ABHD2: variants seen among roughly 807,000 people sequenced by gnomAD.
ABHD2 encodes abhydrolase domain containing 2, acylglycerol lipase.
In ABHD2, 20 loss-of-function variants were observed where a neutral mutation model predicts 48.1. That is an observed-to-expected ratio of 0.42 (90% CI 0.29 to 0.60). The LOEUF is 0.60. ABHD2 is among the 20% of genes least tolerant of loss of function. ABHD2 has a pLI of 0.24. For synonymous variants in ABHD2, 209 were observed against 214.2 expected, an observed-to-expected ratio of 0.98 and a Z score of 0.21; for missense variants, 405 against 550.9, an observed-to-expected ratio of 0.74 and a Z score of 2.65.
intron 1 of ABHD2, among the ~76,000 whole-genome samples, chr15:89,090,542 C>A (rs1901555166): frequency 6.7e-6 from 1 of 149,056 alleles, no homozygotes; most frequent in African/African-American, 2.5e-5. Flanking sequence ...CAGACAGCTG[C>A]AAGGGGTTTC....
chr15:89,088,449 G>A (rs1383131603), upstream of ABHD2: 1 of 153,078 alleles, frequency 6.5e-6, no homozygotes, highest in Admixed American at 6.5e-5. This position sits in a 1 kb window ranked among gnomAD's most constrained non-coding sequence, Gnocchi z 6.8. Flanking sequence ...CGGTAGCGGC[G>A]GGAGCTGCAC....
At chr15:89,050,354 G>A in the ABHD2 span, among the ~76,000 whole-genome samples, 1 of 152,210 alleles carries the variant, frequency 6.6e-6, no homozygotes, top group African/African-American at 2.4e-5. Flanking sequence ...ATGTGGACAT[G>A]TGTCCAATGA....
intron 4 of ABHD2, among the ~76,000 whole-genome samples, chr15:89,152,144 C>T (rs1176067399): frequency 6.6e-6 from 1 of 151,390 alleles, no homozygotes; most frequent in Admixed American, 6.6e-5. Flanking sequence ...GGCACGATCT[C>T]GGCTCACTGC....
chr15:89,128,000 C>T (rs1241311602), intron 3 of ABHD2, among the ~76,000 whole-genome samples: 1 of 152,070 alleles, frequency 6.6e-6, no homozygotes, highest in Non-Finnish European at 1.5e-5. Context: ...ATATGTATCT[C>T]TCGTCACACC....
chr15:89,101,837 G>C (rs1021824587), intron 1 of ABHD2, among the ~76,000 whole-genome samples: 1 of 152,168 alleles, frequency 6.6e-6, no homozygotes, highest in Admixed American at 6.5e-5. Context: ...TCAAGGGCTT[G>C]CAGTGGGGCT....
chr15:89,062,341 G>T, the ABHD2 span, among the ~76,000 whole-genome samples: 3 of 151,538 alleles, frequency 2.0e-5, no homozygotes, highest in Non-Finnish European at 4.4e-5. Context: ...TTATGGAATT[G>T]ATTTTCGTTT....
At chr15:89,062,118 G>A in the ABHD2 span, among the ~76,000 whole-genome samples, 1 of 152,076 alleles carries the variant, frequency 6.6e-6, no homozygotes, top group African/African-American at 2.4e-5. Flanking sequence ...AAATAGGAAT[G>A]CTGGAAGATA....
intron 5 of ABHD2, among the ~76,000 whole-genome samples, chr15:89,161,516 T>C (rs1239407987): frequency 1.3e-5 from 2 of 152,184 alleles, no homozygotes; most frequent in Non-Finnish European, 2.9e-5. Context: ...TTCTCCTGCC[T>C]CAGCCTCCCT....
the ABHD2 span, among the ~76,000 whole-genome samples, chr15:89,050,931 A>G: frequency 6.6e-6 from 1 of 152,072 alleles, no homozygotes; most frequent in Non-Finnish European, 1.5e-5. Flanking sequence ...AATCTGGAAG[A>G]TAAATTAAAA....
chr15:89,171,162 C>A (rs1448067944), intron 5 of ABHD2, among the ~76,000 whole-genome samples: 3 of 152,144 alleles, frequency 2.0e-5, no homozygotes, highest in Non-Finnish European at 4.4e-5. Context: ...TCAACTAGGA[C>A]AATGGTTCTC....
At chr15:89,050,424 G>C in the ABHD2 span, among the ~76,000 whole-genome samples, 1 of 152,344 alleles carries the variant, frequency 6.6e-6, no homozygotes, top group South Asian at 2.1e-4. Context: ...GGGGCTATGG[G>C]TCAGGGAGGA....
At chr15:89,047,268 GT>G in the ABHD2 span, among the ~76,000 whole-genome samples, 2 of 151,148 alleles carry the variant, frequency 1.3e-5, no homozygotes, top group African/African-American at 4.9e-5. Context: ...GAGATAGTTT[GT>G]TATAATTTCT....
At chr15:89,139,001 A>C (rs1241267022) in intron 3 of ABHD2, among the ~76,000 whole-genome samples, 1 of 151,872 alleles carries the variant, frequency 6.6e-6, no homozygotes, top group Non-Finnish European at 1.5e-5. Flanking sequence ...GGATTGCTTG[A>C]GCCCGGGAGA....
In ABHD2 at chr15:89,184,355, C is replaced by T. The variant is rs147235137; in HGVS notation, c.723-1069C>T. On this transcript the variant is annotated intron_variant, in intron 6 of 10. Transcript: ENST00000352732. This position sits in a 1 kb window ranked among gnomAD's most constrained non-coding sequence, Gnocchi z 5.1. ...AAAACAAAACAAAAAACCTTACAAACCACCTGGTCCCCTCACTTACCATCT... is the reference window on the plus strand; with the variant it reads ...AAAACAAAACAAAAAACCTTACAAATCACCTGGTCCCCTCACTTACCATCT... 3.9e-4 allele frequency among the ~76,000 whole-genome samples: 59 copies of T among 152,278 alleles called. No individual in the cohort carries two copies. Among genetic ancestry groups the T allele is most frequent in the African/African-American group, 1.4e-3 (57 of 41,540 alleles).
the ABHD2 span, among the ~76,000 whole-genome samples, chr15:89,063,976 G>T: frequency 6.6e-6 from 1 of 151,942 alleles, no homozygotes; most frequent in Non-Finnish European, 1.5e-5. Flanking sequence ...ATGGCCCAGG[G>T]GTTGAGGACC....
At chr15:89,191,323 T>C (rs1356366144) in intron 9 of ABHD2, among the ~76,000 whole-genome samples, 174 bp downstream of exon 9, 2 of 152,186 alleles carry the variant, frequency 1.3e-5, no homozygotes, top group Non-Finnish European at 2.9e-5. Context: ...GTAACTGCCA[T>C]ACATTAATCC....
rs866148620 is a variant in ABHD2, at chr15:89,109,501, C to T, written c.-106-4224C>T. On this transcript the variant is annotated intron_variant, in intron 1 of 10. Coordinates refer to ENST00000352732, the MANE Select transcript of ABHD2 (RefSeq NM_152924.5). Reference sequence around the variant, plus strand: ...TAGGGAGACGCTTCCTTTCCATCTGCGACATACCCAGCCCTCCAGCTGTTC... The same window carrying T: ...TAGGGAGACGCTTCCTTTCCATCTGTGACATACCCAGCCCTCCAGCTGTTC... 2.6e-5 allele frequency among the ~76,000 whole-genome samples: 4 copies of T among 151,926 alleles called. No individual in the cohort carries two copies. In the South Asian group the frequency reaches 6.3e-4, roughly 24 times the overall value.
At chr15:89,066,642 G>C in the ABHD2 span, among the ~76,000 whole-genome samples, 1 of 152,182 alleles carries the variant, frequency 6.6e-6, no homozygotes, top group Non-Finnish European at 1.5e-5. Flanking sequence ...AGGCCTGGAG[G>C]AACATGGCTG....
At position 89,188,331 on chromosome 15, in the gene ABHD2, G is replaced by T; in HGVS notation, c.926+28G>T. On this transcript the variant is annotated intron_variant, in intron 8 of 10. Transcript: ENST00000352732. This position sits in a 1 kb window ranked among gnomAD's most constrained non-coding sequence, Gnocchi z 4.1. ...GTGTCCGCGCAGGCGGGAGAGGGAC[G>T]CTCTGGGGCAGGGTGCCAGGCAGGA... The T allele has an allele frequency of 6.2e-7, 1 of 1,602,404 alleles. No individual in the cohort carries two copies. Among genetic ancestry groups the T allele is most frequent in the South Asian group, 1.1e-5 (1 of 90,772 alleles).
Sources: allele counts gnomAD v4.1 joint callset (sites outside exome capture counted in the v4.1 genomes callset), GRCh38; gene constraint gnomAD v4.1.1; non-coding constraint Gnocchi (gnomAD v3.1); transcripts MANE v1.5; gene names NCBI Gene and HGNC (gene_info 2026-07-23, HGNC 2026-07-21).